The following MYOZ2 variants were observed in gnomAD, a reference collection of about 807,000 sequenced individuals.
The protein encoded by MYOZ2 is myozenin 2.
MYOZ2 carries 19 observed loss-of-function variants against 25.4 expected under a neutral mutation model. That is an observed-to-expected ratio of 0.75 (90% CI 0.52 to 1.10). The LOEUF (loss-of-function observed/expected upper bound fraction) is 1.10. Ranked by LOEUF, MYOZ2 falls within the 50% of genes least tolerant of loss-of-function variation. The pLI is 0.00. For synonymous variants in MYOZ2, 92 were observed against 106.9 expected (o/e 0.86, Z 0.86); for missense variants, 270 against 317.9 (o/e 0.85, Z 1.15).
At chr4:119,142,410 T>A (rs1280642932) in intron 2 of MYOZ2, among the ~76,000 whole-genome samples, 1 of 152,218 alleles carries the variant, frequency 6.6e-6, no homozygotes, top group African/African-American at 2.4e-5. Context: ...TGTTGAGGGA[T>A]ATTCATAGAC....
At chr4:119,145,294 G>C (rs1437426799) in intron 2 of MYOZ2, among the ~76,000 whole-genome samples, 1 of 150,772 alleles carries the variant, frequency 6.6e-6, no homozygotes, top group Non-Finnish European at 1.5e-5. Context: ...CGTGTATGTG[G>C]GATATGGGAT....
chr4:119,141,395 T>TC (rs1217464334), intron 2 of MYOZ2, among the ~76,000 whole-genome samples: 2 of 152,206 alleles, frequency 1.3e-5, no homozygotes, highest in African/African-American at 4.8e-5. Context: ...TTTCTTTCTT[T>TC]TTTTTGAGAT....
intron 5 of MYOZ2, among the ~76,000 whole-genome samples, 167 bp downstream of exon 5, chr4:119,164,561 A>C (rs560133189): frequency 6.6e-6 from 1 of 152,312 alleles, no homozygotes; most frequent in African/African-American, 2.4e-5. Context: ...TCATTTTTGT[A>C]ATATTACTAT....
chr4:119,151,093 A>G, intron 3 of MYOZ2, 52 bp downstream of exon 3: 1 of 1,510,936 alleles, frequency 6.6e-7, no homozygotes, highest in Non-Finnish European at 9.2e-7. Flanking sequence ...ATATTTCTAA[A>G]TTTGTATTTA....
At chr4:119,137,937 C>T (rs955632912) in intron 2 of MYOZ2, among the ~76,000 whole-genome samples, 6 of 152,030 alleles carry the variant, frequency 3.9e-5, no homozygotes, top group Non-Finnish European at 7.4e-5. Flanking sequence ...TTAAAATAGA[C>T]CTTTCATGTT....
rs1741531982 is a variant in MYOZ2 at position 119,154,750 on chromosome 4, G to T, written c.247-3272G>T. ...TATCAGGAACTTTATACTTTTTAAA[G>T]AATTAGTATAGGTTTAGAAGTAAAA... On this transcript the variant is annotated intron_variant, in intron 3 of 5. Coordinates refer to ENST00000307128, the MANE Select transcript of MYOZ2 (RefSeq NM_016599.5). Among the ~76,000 whole-genome samples the T allele has an allele frequency of 2.0e-5, 3 of 151,922 alleles. 1 individual carries two copies. In the South Asian group the frequency reaches 6.2e-4, roughly 32 times the overall value.
At chr4:119,160,451 A>G (rs11098489) in intron 4 of MYOZ2, among the ~76,000 whole-genome samples, 51,823 of 151,916 alleles carry the variant, frequency 0.34, 10,060 homozygotes, top group Non-Finnish European at 0.45. Flanking sequence ...CACAAAATGA[A>G]TAGAAGAATT....
intron 2 of MYOZ2, among the ~76,000 whole-genome samples, chr4:119,141,485 T>C (rs1741157648): frequency 6.6e-6 from 1 of 152,112 alleles, no homozygotes; most frequent in South Asian, 2.1e-4. Flanking sequence ...TGAGTTCAAG[T>C]GATTCTCCTG....
At chr4:119,162,937 A>C (rs1376153529) in intron 4 of MYOZ2, among the ~76,000 whole-genome samples, 1 of 152,230 alleles carries the variant, frequency 6.6e-6, no homozygotes, top group Non-Finnish European at 1.5e-5. Context: ...CCAGTGGATC[A>C]TTTATTTTGA....
intron 4 of MYOZ2, among the ~76,000 whole-genome samples, chr4:119,163,175 T>G (rs1741747464): frequency 6.6e-6 from 1 of 151,968 alleles, no homozygotes; most frequent in South Asian, 2.1e-4. Flanking sequence ...TGAAGAAAAT[T>G]AAATAATCAC....
intron 5 of MYOZ2, among the ~76,000 whole-genome samples, chr4:119,169,267 G>A (rs1280432923): frequency 3.3e-5 from 5 of 152,100 alleles, no homozygotes; most frequent in Non-Finnish European, 7.3e-5. Context: ...TTTTATATAC[G>A]CTGGGAAATA....
rs557121418 is a variant in MYOZ2 at position 119,154,401 on chromosome 4, A to C, written c.246+3360A>C. ...GCAGATGATGGAATGCTATGATGTA[A>C]AGCTTATAATTATATAGGTTACTAT... On this transcript the variant is annotated intron_variant, in intron 3 of 5. Transcript: ENST00000307128. 9.2e-5 allele frequency among the ~76,000 whole-genome samples: 14 copies of C among 152,232 alleles called. No homozygotes were observed. The South Asian group carries it at 2.7e-3, about 29-fold the overall frequency.
intron 2 of MYOZ2, among the ~76,000 whole-genome samples, chr4:119,144,925 A>C (rs1741252310): frequency 6.6e-6 from 1 of 152,182 alleles, no homozygotes; most frequent in Non-Finnish European, 1.5e-5. Flanking sequence ...GGTCTGTCTC[A>C]GAGCAAAAGT....
At chr4:119,183,854 G>A (rs554138977) in intron 5 of MYOZ2, among the ~76,000 whole-genome samples, 33 of 121,130 alleles carry the variant, frequency 2.7e-4, no homozygotes, top group Non-Finnish European at 2.9e-4. Flanking sequence ...CCCTCTTATT[G>A]TCCAGGCTGG....
intron 3 of MYOZ2, among the ~76,000 whole-genome samples, chr4:119,151,960 T>C (rs1578730739): frequency 6.6e-6 from 1 of 152,150 alleles, no homozygotes; most frequent in Admixed American, 6.6e-5. Flanking sequence ...CCCTGATTTA[T>C]TTTATCATAA....
chr4:119,178,913 T>C (rs1411899988), intron 5 of MYOZ2, among the ~76,000 whole-genome samples: 1 of 152,198 alleles, frequency 6.6e-6, no homozygotes, highest in African/African-American at 2.4e-5. Context: ...GGCTATTCAG[T>C]CTATTTTCAA....
intron 5 of MYOZ2, among the ~76,000 whole-genome samples, chr4:119,182,150 A>C (rs1742195646): frequency 6.6e-6 from 1 of 152,228 alleles, no homozygotes; most frequent in Non-Finnish European, 1.5e-5. Context: ...AACATTTCTC[A>C]TGCCACTGAA....
chr4:119,185,997 G>A lies in MYOZ2; in HGVS notation c.592G>A (p.Ala198Thr), dbSNP rs1175731703. The change falls in exon 6 of 6, where the codon GCA becomes ACA. Residue 198 changes from alanine (A) to threonine (T), a missense_variant. Coordinates refer to ENST00000307128, the MANE Select transcript of MYOZ2 (RefSeq NM_016599.5). ...CACACCATTTGGAGGTTTTGAAAAAGCATCAAGAATGGTTAAATTTAAAGT... is the reference window on the plus strand; with the variant it reads ...CACACCATTTGGAGGTTTTGAAAAAACATCAAGAATGGTTAAATTTAAAGT... ...VATPFGGFEK[A>T]SRMVKFKVPD... 6.2e-7 allele frequency: 1 copy of A among 1,613,610 alleles called. No individual in the cohort carries two copies. Among genetic ancestry groups the A allele is most frequent in the African/African-American group, 1.3e-5 (1 of 74,886 alleles).
Position 119,158,021 on chromosome 4 carries a change from G to T in MYOZ2, c.247-1G>T, listed in dbSNP as rs112905649. The T allele has an allele frequency of 6.2e-7, 1 of 1,613,818 alleles. No individual in the cohort carries two copies. Among genetic ancestry groups the T allele is most frequent in the Non-Finnish European group, 8.5e-7 (1 of 1,179,920 alleles). ...CAGAGTTTACTTTTGATTAAATACA[G>T]CACAGTATTGCTATGCAGAATGGGA... is the stretch of plus-strand genomic sequence containing the variant. On this transcript the variant is annotated splice_acceptor_variant, in intron 3 of 5. Coordinates refer to ENST00000307128, the MANE Select transcript of MYOZ2 (RefSeq NM_016599.5). LOFTEE classifies it high-confidence loss of function.
Sources: gnomAD v4.1 joint callset for allele counts (sites outside exome capture counted in the v4.1 genomes callset) on GRCh38, gnomAD v4.1.1 for gene constraint, MANE v1.5 for transcripts, NCBI Gene and HGNC (gene_info 2026-07-23, HGNC 2026-07-21) for gene names.